Variants in PDE1B observed in about 807,000 individuals in gnomAD.
PDE1B encodes the protein phosphodiesterase 1B.
Under a neutral mutation model 66.7 loss-of-function variants are expected in PDE1B, and 13 were observed. The ratio of observed to expected loss-of-function variants is 0.19; its 90% CI spans 0.13 to 0.31. The LOEUF is 0.31. Ranked by LOEUF, PDE1B falls within the 10% of genes least tolerant of loss-of-function variation. The pLI is 1.00. For missense variants in PDE1B, 485 were observed against 682.3 expected, an observed-to-expected ratio of 0.71 and a Z score of 3.22; for synonymous variants, 230 against 253.9, an observed-to-expected ratio of 0.91 and a Z score of 0.90.
Position 54,573,305 on chromosome 12 carries a change from C to A in PDE1B, c.837-50C>A. The stretch of plus-strand genomic sequence containing the variant: ...GGGCCAAGAGGAGGTGGGGAGGTTG[C>A]CGGAGTCCCTCCTTACAGGGGGTGG... On this transcript the variant is annotated intron_variant, in intron 8 of 15. Transcript: ENST00000243052. The surrounding 1 kb of genome is among the most constrained non-coding windows in gnomAD (Gnocchi z 5.2). 6.2e-7 allele frequency: 1 copy of A among 1,613,682 alleles called. No homozygotes were observed. Among genetic ancestry groups the A allele is most frequent in the South Asian group, 1.1e-5 (1 of 91,068 alleles).
At chr12:54,564,320 C>A (rs1248412551) in intron 2 of PDE1B, among the ~76,000 whole-genome samples, 2 of 139,878 alleles carry the variant, frequency 1.4e-5, no homozygotes, top group Non-Finnish European at 3.0e-5. Flanking sequence ...ATCTGGGTGA[C>A]CTTGTCTCTT....
At chr12:54,561,481 GGA>G in intron 2 of PDE1B, 1 of 1,373,732 alleles carries the variant, frequency 7.3e-7, no homozygotes, top group Non-Finnish European at 9.4e-7. Context: ...ACTGGGACCT[GGA>G]GGAGGAAGGC....
chr12:54,576,342 G>C lies in PDE1B; in HGVS notation c.1377-229G>C, dbSNP rs1957744934. On this transcript the variant is annotated intron_variant, in intron 13 of 15. Coordinates refer to ENST00000243052, the MANE Select transcript of PDE1B (RefSeq NM_000924.4). Reference sequence around the variant, plus strand: ...CCATTAGCTGTCTTTCTGCCTTCTGGCTAATCTTGTTTTAATTTTCCTTCT... The same window carrying C: ...CCATTAGCTGTCTTTCTGCCTTCTGCCTAATCTTGTTTTAATTTTCCTTCT... 1.1e-5 allele frequency: 7 copies of C among 614,504 alleles called. No homozygotes were observed. The South Asian group carries it at 1.2e-4, about 11-fold the overall frequency. The allele number at this position is 614,504 out of a possible 1,614,324, so 38.1% of individuals were successfully genotyped here.
intron 2 of PDE1B, among the ~76,000 whole-genome samples, chr12:54,555,425 G>C (rs1175757579): frequency 6.6e-6 from 1 of 152,154 alleles, no homozygotes; most frequent in Non-Finnish European, 1.5e-5. Context: ...TTCCACATTT[G>C]AGGTTGCATT....
rs199827682 is a variant in PDE1B, at chr12:54,561,606, C to T, written c.114-5368C>T. 1.0e-3 allele frequency: 1,558 copies of T among 1,533,348 alleles called. 3 individuals are homozygous for T. The highest frequency in any genetic ancestry group is 1.4e-3 in the South Asian group (116 of 83,586). 95.0% of individuals were successfully genotyped at this position (1,533,348 alleles called of 1,614,324 possible). Reference sequence around the variant, plus strand: ...TCCCATGGCAAACCCTGTTCCTGTTCAGAGGAGCCACCTCCAGGGCCCCAT... The same window carrying T: ...TCCCATGGCAAACCCTGTTCCTGTTTAGAGGAGCCACCTCCAGGGCCCCAT... On this transcript the variant is annotated intron_variant, in intron 2 of 15. Coordinates refer to ENST00000243052, the MANE Select transcript of PDE1B (RefSeq NM_000924.4).
Position 54,575,647 on chromosome 12 carries a change from C to T in PDE1B, c.1267+15C>T. 6.4e-7 allele frequency: 1 copy of T among 1,570,844 alleles called. No individual in the cohort carries two copies. On this transcript the variant is annotated intron_variant, in intron 12 of 15. Coordinates refer to ENST00000243052, the MANE Select transcript of PDE1B (RefSeq NM_000924.4). The surrounding 1 kb of genome is among the most constrained non-coding windows in gnomAD (Gnocchi z 4.0). ...GTCTCAGATAGGTGAGTGTCCTCTC[C>T]TGCAGGAAGGGGAGGACTGGGAGGG...
At chr12:54,561,864 T>A (rs971313525) in intron 2 of PDE1B, among the ~76,000 whole-genome samples, 1 of 152,044 alleles carries the variant, frequency 6.6e-6, no homozygotes, top group Non-Finnish European at 1.5e-5. Context: ...CCCACCTTTG[T>A]AAAAATTGCT....
In PDE1B at chr12:54,575,925, C is replaced by G; in HGVS notation, c.1268-67C>G. On this transcript the variant is annotated intron_variant, in intron 12 of 15. Transcript: ENST00000243052. This position sits in a 1 kb window ranked among gnomAD's most constrained non-coding sequence, Gnocchi z 4.0. ...CAGCCAGGGGTCCTGGCCATGCCAG[C>G]TGCATGCTCTGCCTAGCCCTCCAGA... 2 of 1,172,084 alleles carry G rather than the reference C, an allele frequency of 1.7e-6. No individual in the cohort carries two copies. The highest frequency in any genetic ancestry group is 2.4e-5 in the South Asian group (2 of 82,392). The allele number at this position is 1,172,084 out of a possible 1,614,324, so 72.6% of individuals were successfully genotyped here.
rs752924751 is a variant in PDE1B at position 54,577,533 on chromosome 12, C to A, written c.*17+188C>A. 3.2e-6 allele frequency: 5 copies of A among 1,557,376 alleles called. No homozygotes were observed. In the African/African-American group the frequency reaches 5.4e-5, roughly 17 times the overall value. ...GGGAAATCCTCCCACGCTCTTCTGT[C>A]CCCCAGTCCCTGCAGGAACAAAGGA... On this transcript the variant is annotated intron_variant, in intron 15 of 15. Transcript: ENST00000243052.
At chr12:54,564,115 G>T (rs1410861716) in intron 2 of PDE1B, among the ~76,000 whole-genome samples, 1 of 152,162 alleles carries the variant, frequency 6.6e-6, no homozygotes, top group Admixed American at 6.5e-5. Flanking sequence ...TCTAAGAAGA[G>T]GATCTGGACT....
At chr12:54,570,601 T>C (rs1957598482) in intron 6 of PDE1B, 1 of 485,752 alleles carries the variant, frequency 2.1e-6, no homozygotes, top group Non-Finnish European at 3.7e-6. Context: ...GGGATTCTGC[T>C]CTCTCCCGCT....
Position 54,573,499 on chromosome 12 carries a change from T to A in PDE1B, c.962+19T>A. The A allele has an allele frequency of 6.2e-7, 1 of 1,614,160 alleles. No individual in the cohort carries two copies. Among genetic ancestry groups the A allele is most frequent in the Non-Finnish European group, 8.5e-7 (1 of 1,179,994 alleles). Reference sequence around the variant, plus strand: ...AGTTTGTGTGAGCAGAAGCCAGTACTTGGCATCCCTAAGAGACTCCCTTAC... The same window carrying A: ...AGTTTGTGTGAGCAGAAGCCAGTACATGGCATCCCTAAGAGACTCCCTTAC... On this transcript the variant is annotated intron_variant, in intron 9 of 15. Coordinates refer to ENST00000243052, the MANE Select transcript of PDE1B (RefSeq NM_000924.4). The surrounding 1 kb of genome is among the most constrained non-coding windows in gnomAD (Gnocchi z 5.2).
chr12:54,557,388 C>G (rs542374382), intron 2 of PDE1B, among the ~76,000 whole-genome samples: 302 of 152,220 alleles, frequency 2.0e-3, no homozygotes, highest in Non-Finnish European at 3.2e-3. Flanking sequence ...AAAAATCTAC[C>G]CTTCTCCTCT....
intron 2 of PDE1B, among the ~76,000 whole-genome samples, chr12:54,560,794 A>G (rs1025573072): frequency 1.9e-4 from 29 of 152,178 alleles, no homozygotes; most frequent in African/African-American, 6.8e-4. Flanking sequence ...TCTCTGGTTA[A>G]TTCATGGTTA....
chr12:54,569,127 C>T lies in PDE1B; in HGVS notation c.228-57C>T. 6 of 1,550,836 alleles carry T rather than the reference C, an allele frequency of 3.9e-6. No homozygotes were observed. The highest frequency in any genetic ancestry group is 5.2e-6 in the Non-Finnish European group (6 of 1,144,966). ...TGGGGTATGGCTGGGTACAGGGTCTCTAGGCTGTGGAAGCACCTGCTGTCT... is the reference window on the plus strand; with the variant it reads ...TGGGGTATGGCTGGGTACAGGGTCTTTAGGCTGTGGAAGCACCTGCTGTCT... On this transcript the variant is annotated intron_variant, in intron 3 of 15. Transcript: ENST00000243052. The surrounding 1 kb of genome is among the most constrained non-coding windows in gnomAD (Gnocchi z 4.4).
chr12:54,575,631 A>T lies in PDE1B; in HGVS notation c.1266A>T (p.Ile422=), dbSNP rs776017508. Residue 422 remains isoleucine (I), a splice_region_variant and synonymous_variant, in exon 12 of 16, where the codon ATA becomes ATT. Transcript: ENST00000243052. This position sits in a 1 kb window ranked among gnomAD's most constrained non-coding sequence, Gnocchi z 4.0. The part of the protein sequence containing the change: ...RTSTLVAQSQ[I]GFIDFIVEPT... ...CCACTCTAGTGGCACAGTCTCAGAT[A>T]GGTGAGTGTCCTCTCCTGCAGGAAG... 6.2e-7 allele frequency: 1 copy of T among 1,602,888 alleles called. No homozygotes were observed. Among genetic ancestry groups the T allele is most frequent in the Non-Finnish European group, 8.5e-7 (1 of 1,170,948 alleles).
In PDE1B at chr12:54,573,621, C is replaced by T. The variant is rs549300930; in HGVS notation, c.976C>T (p.Leu326=). ...TKDEFVELRA[L]VIEMVLATDM... is the part of the protein sequence containing the mutation. ...ATGTCCGCTCAGAGAACTCCGAGCC[C>T]TGGTCATTGAGATGGTGTTGGCCAC... Residue 326 remains leucine (L), a synonymous_variant, in exon 10 of 16, where the codon CTG becomes TTG. Coordinates refer to ENST00000243052, the MANE Select transcript of PDE1B (RefSeq NM_000924.4). This position sits in a 1 kb window ranked among gnomAD's most constrained non-coding sequence, Gnocchi z 5.2. 10 of 1,614,014 alleles carry T rather than the reference C, an allele frequency of 6.2e-6. No individual in the cohort carries two copies. In the South Asian group the frequency reaches 1.1e-4, roughly 18 times the overall value.
Position 54,549,996 on chromosome 12 carries a change from G to A in PDE1B, c.113+11G>A, listed in dbSNP as rs1312576482. 1 of 1,613,170 alleles carries A rather than the reference G, an allele frequency of 6.2e-7. No homozygotes were observed. Among genetic ancestry groups the A allele is most frequent in the Non-Finnish European group, 8.5e-7 (1 of 1,179,424 alleles). ...TAAGCTTCGGTCTCTGTAAGTCCCC[G>A]GCCCGGGAATGGGGGGAAGGGACCT... On this transcript the variant is annotated intron_variant, in intron 2 of 15. Transcript: ENST00000243052.
intron 2 of PDE1B, among the ~76,000 whole-genome samples, chr12:54,551,563 G>C (rs1229941575): frequency 6.6e-6 from 1 of 152,192 alleles, no homozygotes; most frequent in Non-Finnish European, 1.5e-5. Context: ...AAGGGCCCCA[G>C]GTCCATAAAT....
Sources: allele counts gnomAD v4.1 joint callset (sites outside exome capture counted in the v4.1 genomes callset), GRCh38; gene constraint gnomAD v4.1.1; non-coding constraint Gnocchi (gnomAD v3.1); transcripts MANE v1.5; gene names NCBI Gene and HGNC (gene_info 2026-07-23, HGNC 2026-07-21).